NCOR2: variants seen among roughly 807,000 people sequenced by gnomAD.
The protein encoded by NCOR2 is nuclear receptor corepressor 2.
Under a neutral mutation model 262.9 loss-of-function variants are expected in NCOR2, and 81 were observed. The observed-to-expected ratio is 0.31, with a 90% CI of 0.26 to 0.37. The LOEUF is 0.37. NCOR2 is among the 10% of genes least tolerant of loss of function. The pLI, the probability that NCOR2 is intolerant of heterozygous loss-of-function variation, is 1.00. For synonymous variants in NCOR2, 1,659 were observed against 1,559.3 expected, an observed-to-expected ratio of 1.06 and a Z score of -1.51; for missense variants, 3,385 against 3,621.4, an observed-to-expected ratio of 0.93 and a Z score of 1.68.
Position 124,325,426 on chromosome 12 carries a change from GT to G in NCOR2, c.7520del (p.Tyr2507SerfsTer67). On this transcript the variant is annotated frameshift_variant, in exon 47 of 47. Coordinates refer to ENST00000405201, the Ensembl canonical transcript of NCOR2. LOFTEE classifies it high-confidence loss of function. ...GTCACTCGCTGTCGGAGAGTGTCTC[GT>G]ACTGCGAGCAGAGCAGTGGCTTGGG... is the stretch of plus-strand genomic sequence containing the variant. 7.8e-7 allele frequency: 1 copy of G among 1,288,330 alleles called. No individual in the cohort carries two copies. The highest frequency in any genetic ancestry group is 9.9e-7 in the Non-Finnish European group (1 of 1,007,398). The allele number at this position is 1,288,330 out of a possible 1,614,324, so 79.8% of individuals were successfully genotyped here.
At chr12:124,342,325 G>A (rs1203604606) in intron 33 of NCOR2, among the ~76,000 whole-genome samples, 2 of 152,208 alleles carry the variant, frequency 1.3e-5, no homozygotes, top group Non-Finnish European at 2.9e-5. Flanking sequence ...TCCCAATGCA[G>A]ATTAACACTC....
At chr12:124,346,010 C>T (rs947644456) in intron 31 of NCOR2, among the ~76,000 whole-genome samples, 6 of 151,978 alleles carry the variant, frequency 3.9e-5, no homozygotes, top group African/African-American at 1.4e-4. Context: ...GGACTGGGGC[C>T]TCTTGTGGTG....
chr12:124,488,401 A>G (rs2047896248), intron 1 of NCOR2, among the ~76,000 whole-genome samples: 2 of 152,170 alleles, frequency 1.3e-5, no homozygotes, highest in South Asian at 4.1e-4. Context: ...CTGTTATTCT[A>G]ACCCTCTGAG....
chr12:124,342,173 C>T (rs1407546579), intron 33 of NCOR2, 99 bp from the exon 36 acceptor site: 20 of 1,372,956 alleles, frequency 1.5e-5, no homozygotes, highest in Non-Finnish European at 1.9e-5. Flanking sequence ...ACCCGGACAG[C>T]TTCTCCCACC....
In NCOR2 at chr12:124,457,184, G is replaced by A; in HGVS notation, c.706-22C>T. 4 of 1,535,862 alleles carry A rather than the reference G, an allele frequency of 2.6e-6. No individual in the cohort carries two copies. The highest frequency in any genetic ancestry group is 3.5e-6 in the Non-Finnish European group (4 of 1,152,730). ...TCTTCTGCAGGGTGATGGCGAAGAG[G>A]AGGAATTTTTTTAAAAAACAAAAAA... is the stretch of plus-strand genomic sequence containing the variant. On this transcript the variant is annotated intron_variant, in intron 5 of 46. Coordinates refer to ENST00000405201, the Ensembl canonical transcript of NCOR2. This position sits in a 1 kb window ranked among gnomAD's most constrained non-coding sequence, Gnocchi z 4.0.
At chr12:124,533,718 C>T (rs879668368) in intron 1 of NCOR2, among the ~76,000 whole-genome samples, 16 of 152,244 alleles carry the variant, frequency 1.1e-4, no homozygotes, top group Non-Finnish European at 1.9e-4. Flanking sequence ...TGCTTAACCA[C>T]GGGGACACGT....
chr12:124,390,356 T>C (rs2041205155), intron 16 of NCOR2, among the ~76,000 whole-genome samples: 1 of 152,182 alleles, frequency 6.6e-6, no homozygotes, highest in South Asian at 2.1e-4. Flanking sequence ...CCCCAGGGCC[T>C]TTGCACCAGC....
chr12:124,447,308 C>T (rs1147283), intron 7 of NCOR2, among the ~76,000 whole-genome samples: 146,454 of 152,376 alleles, frequency 0.96, 70,510 homozygotes, highest in East Asian at 1. Flanking sequence ...AAATGCACTT[C>T]AACGGACCAC....
chr12:124,436,244 G>A (rs1002380839), intron 8 of NCOR2, among the ~76,000 whole-genome samples: 12 of 152,306 alleles, frequency 7.9e-5, no homozygotes, highest in African/African-American at 2.4e-4. Flanking sequence ...ACCTACAGGC[G>A]CTGGGCATGA....
Position 124,413,407 on chromosome 12 carries a change from G to A in NCOR2, c.1482+6550C>T, listed in dbSNP as rs3825114. Among the ~76,000 whole-genome samples, 752 of 152,346 alleles carry A rather than the reference G, an allele frequency of 4.9e-3. 17 individuals are homozygous for A. The East Asian group carries it at 0.071, about 14-fold the overall frequency. ...TAGAGTCTGACAACCCTGGCATACAGTAGGCACTGAATAAATGCCCCCGGA... is the reference window on the plus strand; with the variant it reads ...TAGAGTCTGACAACCCTGGCATACAATAGGCACTGAATAAATGCCCCCGGA... On this transcript the variant is annotated intron_variant, in intron 13 of 46. Coordinates refer to ENST00000405201, the Ensembl canonical transcript of NCOR2.
chr12:124,360,924 A>G (rs1010438748), intron 22 of NCOR2, among the ~76,000 whole-genome samples: 1 of 152,024 alleles, frequency 6.6e-6, no homozygotes, highest in African/African-American at 2.4e-5. Flanking sequence ...CTCACTCAAA[A>G]CAACAGCAGC....
Position 124,531,436 on chromosome 12 carries a change from G to A in NCOR2, c.-118+4129C>T, listed in dbSNP as rs914964857. Among the ~76,000 whole-genome samples, 16 of 152,236 alleles carry A rather than the reference G, an allele frequency of 1.1e-4. No homozygotes were observed. Among genetic ancestry groups the A allele is most frequent in the African/African-American group, 2.6e-4 (11 of 41,544 alleles). The stretch of plus-strand genomic sequence containing the variant: ...ACTGTCAGCCTCCTCCTCTCAGCCC[G>A]CCATCACAGGCACCATTAATTGCTG... On this transcript the variant is annotated intron_variant, in intron 1 of 46. Transcript: ENST00000404621. The surrounding 1 kb of genome is among the most constrained non-coding windows in gnomAD (Gnocchi z 4.5).
intron 22 of NCOR2, among the ~76,000 whole-genome samples, chr12:124,359,604 G>C (rs1408185136): frequency 6.6e-6 from 1 of 152,240 alleles, no homozygotes; most frequent in Non-Finnish European, 1.5e-5. Flanking sequence ...AAACGCCCTG[G>C]ACCTGGCCCC....
chr12:124,436,495 C>T (rs2136398038), intron 8 of NCOR2, among the ~76,000 whole-genome samples: 1 of 152,358 alleles, frequency 6.6e-6, no homozygotes, highest in South Asian at 2.1e-4. Context: ...AGGTGGGGAC[C>T]TTTTCAGGGC....
chr12:124,380,948 T>C (rs1297657302), intron 17 of NCOR2, among the ~76,000 whole-genome samples: 1 of 152,094 alleles, frequency 6.6e-6, no homozygotes, highest in African/African-American at 2.4e-5. Context: ...GAGATGCTAG[T>C]GATGGCATTA....
At chr12:124,519,089 T>TACACACACACACACAC (rs57438929) in intron 1 of NCOR2, among the ~76,000 whole-genome samples, 26 of 97,318 alleles carry the variant, frequency 2.7e-4, no homozygotes, top group East Asian at 6.6e-4. Flanking sequence ...GGCCAAATAA[T>TACACACACACACACAC]ACACACACAC....
intron 16 of NCOR2, among the ~76,000 whole-genome samples, chr12:124,390,444 C>G (rs1402971008): frequency 6.6e-6 from 1 of 152,014 alleles, no homozygotes; most frequent in East Asian, 1.9e-4. Flanking sequence ...GATGGCTCCT[C>G]AGAGAAGCCT....
intron 13 of NCOR2, among the ~76,000 whole-genome samples, chr12:124,417,041 C>CACGGAGAGCAGGCCGGACAG (rs1256501235): frequency 1.5e-4 from 15 of 101,550 alleles, no homozygotes; most frequent in Non-Finnish European, 7.2e-5. Flanking sequence ...ACACTCACTC[C>CACGGAGAGCAGGCCGGACAG]TGAGAGCAAG....
chr12:124,464,783 G>A (rs1271278869), intron 5 of NCOR2, among the ~76,000 whole-genome samples: 1 of 152,184 alleles, frequency 6.6e-6, no homozygotes, highest in Non-Finnish European at 1.5e-5. Context: ...GCACAGGAAG[G>A]TTTAAGTACA....
Sources: gnomAD v4.1 joint callset for allele counts (sites outside exome capture counted in the v4.1 genomes callset) on GRCh38, gnomAD v4.1.1 for gene constraint, Gnocchi (gnomAD v3.1) non-coding constraint, MANE v1.5 for transcripts, NCBI Gene and HGNC (gene_info 2026-07-23, HGNC 2026-07-21) for gene names.